FRMPD4: variants seen among roughly 807,000 people sequenced by gnomAD.
The protein encoded by FRMPD4 is FERM and PDZ domain containing 4, also known as FERM and PDZ domain-containing protein 4.
In FRMPD4, 22 loss-of-function variants were observed where a neutral mutation model predicts 94.1. The ratio of observed to expected loss-of-function variants is 0.23; its 90% confidence interval spans 0.17 to 0.33. The LOEUF (loss-of-function observed/expected upper bound fraction) is 0.33. Among genes scored for constraint, FRMPD4 ranks in the 10% least tolerant of loss-of-function variants. The pLI is 1.00. For missense variants in FRMPD4, 1,111 were observed against 1,339.9 expected, an observed-to-expected ratio of 0.83 and a Z score of 2.67; for synonymous variants, 631 against 548.6, an observed-to-expected ratio of 1.15 and a Z score of -2.10.
At chrX:11,990,072 GA>G (rs2054455789) in intron 3 of FRMPD4, among the ~76,000 whole-genome samples, 1 of 111,954 alleles carries the variant, frequency 8.9e-6, no homozygotes, top group Non-Finnish European at 1.9e-5. Context: ...TCCATCAATG[GA>G]TAAATAAATA....
chrX:11,972,838 C>T (rs2054347754), intron 3 of FRMPD4, among the ~76,000 whole-genome samples: 1 of 112,286 alleles, frequency 8.9e-6, no homozygotes, highest in African/African-American at 3.2e-5. Flanking sequence ...ATCAGGTGGC[C>T]TAGCCTTGTG....
At position 12,723,076 on chromosome X, in the gene FRMPD4, TTAAA is replaced by T. The variant is rs2042269034; in HGVS notation, c.*1225_*1228del. 1 of 110,577 alleles carries T rather than the reference TTAAA, an allele frequency of 9.0e-6. No individual in the cohort carries two copies. The highest frequency in any genetic ancestry group is 3.8e-4 in the South Asian group (1 of 2,621). 9.1% of individuals were successfully genotyped at this position (110,577 alleles called of 1,213,427 possible). On this transcript the variant is annotated 3_prime_UTR_variant, in exon 17 of 17. Transcript: ENST00000675598. ...CCATGAGTAAATAGTTAAGTATTTA[TTAAA>T]TAAATACTTAATCTGGATTGGCTGA...
chrX:12,581,810 G>T (rs1202870270), intron 2 of FRMPD4, among the ~76,000 whole-genome samples: 2 of 111,728 alleles, frequency 1.8e-5, no homozygotes, highest in South Asian at 7.6e-4. Context: ...CTTCTCTCAG[G>T]TATCCATGAT....
intron 9 of FRMPD4, among the ~76,000 whole-genome samples, chrX:12,699,815 A>G (rs1254670168): frequency 3.5e-5 from 4 of 112,685 alleles, no homozygotes; most frequent in Non-Finnish European, 7.5e-5. Context: ...GTCCATTTTT[A>G]TGCTAATGTT....
chrX:12,230,160 T>C (rs943717030), intron 1 of FRMPD4, among the ~76,000 whole-genome samples: 1 of 111,677 alleles, frequency 9.0e-6, no homozygotes, highest in African/African-American at 3.3e-5. Flanking sequence ...TCAGTAGAAT[T>C]AAATTATGTC....
chrX:12,265,364 G>A (rs992474167), intron 1 of FRMPD4, among the ~76,000 whole-genome samples: 1 of 112,196 alleles, frequency 8.9e-6, no homozygotes, highest in African/African-American at 3.2e-5. Flanking sequence ...TGAAAAAGAA[G>A]CCCAGTAACT....
chrX:12,021,843 T>G (rs1220341576), intron 3 of FRMPD4, among the ~76,000 whole-genome samples: 1 of 112,335 alleles, frequency 8.9e-6, no homozygotes, highest in East Asian at 2.8e-4. Flanking sequence ...ATCAACTTGC[T>G]GGTGACATGT....
rs2056061040 is a variant in FRMPD4 at position 12,163,488 on chromosome X, A to AG, written c.41+24476_41+24477insG. Among the ~76,000 whole-genome samples, 6 of 96,012 alleles carry AG rather than the reference A, an allele frequency of 6.2e-5. No individual in the cohort carries two copies. The South Asian group carries it at 2.7e-3, about 43-fold the overall frequency. The allele number at this position is 96,012 out of a possible 115,157, so 83.4% of individuals were successfully genotyped here. The stretch of plus-strand genomic sequence containing the variant: ...AAAAAAAAAAAAAAAAAAAAAAAAA[A>AG]TAGAGTGGCTCTTGAGACCTTGAGG... On this transcript the variant is annotated intron_variant, in intron 1 of 16. Coordinates refer to ENST00000675598, the MANE Select transcript of FRMPD4 (RefSeq NM_001368397.1).
chrX:12,398,415 A>G (rs1366432547), intron 1 of FRMPD4, among the ~76,000 whole-genome samples: 1 of 112,023 alleles, frequency 8.9e-6, no homozygotes, highest in Non-Finnish European at 1.9e-5. Context: ...GCTCCTTCCC[A>G]TGAGTTCCAG....
intron 1 of FRMPD4, among the ~76,000 whole-genome samples, chrX:11,842,795 A>T (rs903054555): frequency 2.4e-3 from 233 of 98,511 alleles, no homozygotes; most frequent in Non-Finnish European, 3.0e-3. Context: ...GTTGAATAGG[A>T]GTGGTGAGAG....
At chrX:12,266,172 A>G (rs13440641) in intron 1 of FRMPD4, among the ~76,000 whole-genome samples, 1,390 of 107,729 alleles carry the variant, frequency 0.013, 38 homozygotes, top group African/African-American at 0.046. Context: ...GAGAAAACAA[A>G]AAATGAACAG....
chrX:12,716,902 A>G lies in FRMPD4; in HGVS notation c.2443A>G (p.Arg815Gly). The change falls in exon 15 of 17, where the codon AGA becomes GGA. Residue 815 changes from arginine (R) to glycine (G), a missense_variant. Physicochemically the swap from Arg to Gly is moderately radical, Grantham distance 125. This residue lies in a region of FRMPD4 where 74 missense variants were observed against 93.9 expected (regional missense o/e 0.79). Transcript: ENST00000675598. ...CATTGCCGCACCCCCACCTGGCTTTAGAGACAGTTCAGATGAAGAGGACTC... is the reference window on the plus strand; with the variant it reads ...CATTGCCGCACCCCCACCTGGCTTTGGAGACAGTTCAGATGAAGAGGACTC... ...MAIAAPPPGFRDSSDEEDSQS... is the reference protein window; with the variant it reads ...MAIAAPPPGFGDSSDEEDSQS... 1 of 1,211,283 alleles carries G rather than the reference A, an allele frequency of 8.3e-7. No individual in the cohort carries two copies. The highest frequency in any genetic ancestry group is 1.1e-6 in the Non-Finnish European group (1 of 894,925).
intron 4 of FRMPD4, among the ~76,000 whole-genome samples, chrX:12,654,589 T>C (rs1175764592): frequency 8.9e-6 from 1 of 112,044 alleles, no homozygotes; most frequent in African/African-American, 3.2e-5. Context: ...TGACACATAA[T>C]AGAGAGTCAT....
chrX:11,925,250 G>A (rs1321580050), intron 3 of FRMPD4, among the ~76,000 whole-genome samples: 1 of 111,000 alleles, frequency 9.0e-6, no homozygotes, highest in Non-Finnish European at 1.9e-5. Flanking sequence ...GGAGTGCCCA[G>A]ATTCATAAAG....
chrX:12,463,742 G>C (rs1435519532), intron 1 of FRMPD4, among the ~76,000 whole-genome samples: 1 of 98,605 alleles, frequency 1.0e-5, no homozygotes, highest in African/African-American at 3.8e-5. Context: ...GTGAGGGCAG[G>C]TAGTTTATTT....
At chrX:12,012,617 A>G (rs1189297068) in intron 3 of FRMPD4, among the ~76,000 whole-genome samples, 1 of 112,196 alleles carries the variant, frequency 8.9e-6, no homozygotes, top group Non-Finnish European at 1.9e-5. Flanking sequence ...AAGGCCAGAC[A>G]ATAGTAAATG....
At chrX:12,401,634 A>G (rs2056609972) in intron 1 of FRMPD4, among the ~76,000 whole-genome samples, 1 of 112,001 alleles carries the variant, frequency 8.9e-6, no homozygotes, top group South Asian at 3.7e-4. Context: ...GAATCTGTTA[A>G]ATTGGGATGA....
At position 12,346,039 on chromosome X, in the gene FRMPD4, GTTT is replaced by G. The variant is rs35552186; in HGVS notation, c.42-152629_42-152627del. Among the ~76,000 whole-genome samples, 730 of 98,928 alleles carry G rather than the reference GTTT, an allele frequency of 7.4e-3. 8 individuals are homozygous for G. Among genetic ancestry groups the G allele is most frequent in the African/African-American group, 0.026 (701 of 27,444 alleles). The allele number at this position is 98,928 out of a possible 115,157, so 85.9% of individuals were successfully genotyped here. The stretch of plus-strand genomic sequence containing the variant: ...TTGTATGAGAATTTTAAAATCTCTA[GTTT>G]TTTTTTTTTTTAAGTATATTGGAAG... On this transcript the variant is annotated intron_variant, in intron 1 of 16. Coordinates refer to ENST00000675598, the MANE Select transcript of FRMPD4 (RefSeq NM_001368397.1).
intron 6 of FRMPD4, among the ~76,000 whole-genome samples, chrX:12,685,893 C>A (rs976369607): frequency 4.5e-5 from 5 of 112,137 alleles, no homozygotes; most frequent in Non-Finnish European, 9.4e-5. Flanking sequence ...AAAAAAACCT[C>A]ATCTGATTGA....
Sources: gnomAD v4.1 joint callset for allele counts (sites outside exome capture counted in the v4.1 genomes callset) on GRCh38, gnomAD v4.1.1 for gene constraint, gnomAD v4.1.1 regional missense constraint, MANE v1.5 for transcripts, NCBI Gene and HGNC (gene_info 2026-07-23, HGNC 2026-07-21) for gene names.